CACNA2D1: variants seen among roughly 807,000 people sequenced by gnomAD.
CACNA2D1 encodes the protein calcium voltage-gated channel auxiliary subunit alpha2delta 1, also known as voltage-dependent calcium channel subunit alpha-2/delta-1.
Under a neutral mutation model 171.5 loss-of-function variants are expected in CACNA2D1, and 53 were observed. That is an observed-to-expected ratio of 0.31 (90% CI 0.25 to 0.39). The LOEUF (loss-of-function observed/expected upper bound fraction) is 0.39. Ranked by LOEUF, CACNA2D1 falls within the 10% of genes least tolerant of loss-of-function variation. The pLI, the probability that CACNA2D1 is intolerant of heterozygous loss-of-function variation, is 1.00. For missense variants in CACNA2D1, 903 were observed against 1,299.8 expected (o/e 0.69, Z 4.69); for synonymous variants, 442 against 443.1 (o/e 1.00, Z 0.03).
At position 82,060,169 on chromosome 7, in the gene CACNA2D1, T is replaced by TAAA. The variant is rs1562981072; in HGVS notation, c.879+258_879+259insTTT. 5.6e-3 allele frequency among the ~76,000 whole-genome samples: 134 copies of TAAA among 23,974 alleles called. 8 individuals carry two copies. Among genetic ancestry groups the TAAA allele is most frequent in the African/African-American group, 0.014 (132 of 9,672 alleles). The allele number at this position is 23,974 out of a possible 152,430, so 15.7% of individuals were successfully genotyped here. On this transcript the variant is annotated intron_variant, in intron 10 of 38. Transcript: ENST00000356860. ...ATATATGTATTATATATATATAATA[T>TAAA]ATATATATAATATATATATATTATA...
intron 9 of CACNA2D1, among the ~76,000 whole-genome samples, chr7:82,063,821 T>A (rs545572039): frequency 6.8e-4 from 103 of 152,102 alleles, no homozygotes; most frequent in African/African-American, 2.4e-3. Context: ...CTCAAGGAAT[T>A]ATTTTTTGTA....
Position 82,299,050 on chromosome 7 carries a change from G to A in CACNA2D1, c.294+36085C>T, listed in dbSNP as rs1424330686. Among the ~76,000 whole-genome samples, 8 of 130,060 alleles carry A rather than the reference G, an allele frequency of 6.2e-5. No homozygotes were observed. In the East Asian group the frequency reaches 8.6e-4, roughly 14 times the overall value. 85.3% of individuals were successfully genotyped at this position (130,060 alleles called of 152,430 possible). A position where few individuals can be genotyped will look rare whatever the true frequency, so the allele number is the denominator to read the frequency against. On this transcript the variant is annotated intron_variant, in intron 3 of 38. Transcript: ENST00000356860. ...TGCACCCAGCCTGGGTGAAAAGAGCGAGACTCTGTCAAAAAAAAAAAAAAA... is the reference window on the plus strand; with the variant it reads ...TGCACCCAGCCTGGGTGAAAAGAGCAAGACTCTGTCAAAAAAAAAAAAAAA...
rs1362105341 is a variant in CACNA2D1, at chr7:82,335,123, A to C, written c.294+12T>G. On this transcript the variant is annotated intron_variant, in intron 3 of 38. Transcript: ENST00000356860. ...GAAAATAATAAAATGAGCAGATCCAATTTAAACTCACCACCAGGGCTTTAG... is the reference window on the plus strand; with the variant it reads ...GAAAATAATAAAATGAGCAGATCCACTTTAAACTCACCACCAGGGCTTTAG... 1 of 1,499,478 alleles carries C rather than the reference A, an allele frequency of 6.7e-7. No individual in the cohort carries two copies. Among genetic ancestry groups the C allele is most frequent in the Non-Finnish European group, 9.3e-7 (1 of 1,075,562 alleles). The allele number at this position is 1,499,478 out of a possible 1,614,324, so 92.9% of individuals were successfully genotyped here. A position where few individuals can be genotyped will look rare whatever the true frequency, so the allele number is the denominator to read the frequency against.
chr7:82,259,453 T>A (rs1355376750), intron 3 of CACNA2D1, among the ~76,000 whole-genome samples: 1 of 152,202 alleles, frequency 6.6e-6, no homozygotes, highest in Non-Finnish European at 1.5e-5. Flanking sequence ...GGAATACTAA[T>A]GAGCAGTCTA....
intron 5 of CACNA2D1, among the ~76,000 whole-genome samples, chr7:82,131,705 A>G (rs1372071149): frequency 2.0e-5 from 3 of 152,190 alleles, no homozygotes; most frequent in Non-Finnish European, 4.4e-5. Flanking sequence ...TCAAATGACA[A>G]ATTTTTAATG....
chr7:82,049,027 T>C (rs1804874440), intron 10 of CACNA2D1, among the ~76,000 whole-genome samples: 1 of 151,544 alleles, frequency 6.6e-6, no homozygotes, highest in South Asian at 2.1e-4. Flanking sequence ...TAGTGTACCA[T>C]GTAATTAATG....
intron 2 of CACNA2D1, among the ~76,000 whole-genome samples, chr7:82,342,442 A>C (rs1029414683): frequency 6.6e-6 from 1 of 152,186 alleles, no homozygotes; most frequent in Non-Finnish European, 1.5e-5. Flanking sequence ...TGGGAATGTG[A>C]ATAATGATTT....
chr7:82,281,049 A>G (rs1307281134), intron 3 of CACNA2D1, among the ~76,000 whole-genome samples: 1 of 152,202 alleles, frequency 6.6e-6, no homozygotes, highest in Non-Finnish European at 1.5e-5. Context: ...AGAACAAGGA[A>G]GTCCAGATGT....
At chr7:82,111,439 T>TTC (rs1414983420) in intron 6 of CACNA2D1, among the ~76,000 whole-genome samples, 2 of 105,236 alleles carry the variant, frequency 1.9e-5, no homozygotes, top group East Asian at 5.7e-4. Flanking sequence ...TATATATATA[T>TTC]ATATATTTTT....
At chr7:82,419,579 T>C (rs569207266) in intron 1 of CACNA2D1, among the ~76,000 whole-genome samples, 1 of 152,338 alleles carries the variant, frequency 6.6e-6, no homozygotes, top group East Asian at 1.9e-4. Flanking sequence ...CATTACATAA[T>C]TACACTTCCT....
intron 1 of CACNA2D1, among the ~76,000 whole-genome samples, chr7:82,366,531 C>T (rs945083163): frequency 2.0e-5 from 3 of 152,140 alleles, no homozygotes; most frequent in Non-Finnish European, 4.4e-5. Context: ...CCAGTTGCAT[C>T]CATGTTGCTG....
chr7:82,220,422 C>A (rs1801620256), intron 3 of CACNA2D1, among the ~76,000 whole-genome samples: 1 of 152,056 alleles, frequency 6.6e-6, no homozygotes, highest in East Asian at 1.9e-4. Flanking sequence ...CAATTTTGTT[C>A]CACCAGCATT....
In CACNA2D1 at chr7:82,326,776, T is replaced by TA. The variant is rs775543836; in HGVS notation, c.294+8358dup. Among the ~76,000 whole-genome samples, 28 of 145,588 alleles carry TA rather than the reference T, an allele frequency of 1.9e-4. 6 individuals are homozygous for TA. Among genetic ancestry groups the TA allele is most frequent in the Non-Finnish European group, 4.0e-4 (26 of 64,810 alleles). On this transcript the variant is annotated intron_variant, in intron 3 of 38. Coordinates refer to ENST00000356860, the MANE Select transcript of CACNA2D1 (RefSeq NM_000722.4). The stretch of plus-strand genomic sequence containing the variant: ...TACACTTTATCCACATAAAAATGTC[T>TA]ACTACTTACTTGAACTCTTATTTCT...
intron 1 of CACNA2D1, among the ~76,000 whole-genome samples, chr7:82,387,108 T>C (rs1472075008): frequency 6.6e-6 from 1 of 152,152 alleles, no homozygotes; most frequent in Non-Finnish European, 1.5e-5. Flanking sequence ...AATTAGGTCA[T>C]TTCAAATGGT....
chr7:82,249,739 T>C (rs1483574442), intron 3 of CACNA2D1, among the ~76,000 whole-genome samples: 2 of 149,704 alleles, frequency 1.3e-5, no homozygotes, highest in Non-Finnish European at 2.9e-5. Context: ...GCACGCATGT[T>C]GTGCTGATTG....
At chr7:81,959,398 C>CACATGATTAAAAATAAATACAATGCA (rs1562777366) in intron 37 of CACNA2D1, 41 bp from the exon 38 acceptor site, 1 of 1,336,802 alleles carries the variant, frequency 7.5e-7, no homozygotes, top group Non-Finnish European at 1.1e-6. Context: ...TAGTTTTTTT[C>CACATGATTAAAAATAAATACAATGCA]ACATGATTAA....
intron 3 of CACNA2D1, among the ~76,000 whole-genome samples, chr7:82,243,549 A>C (rs1804561934): frequency 1.3e-5 from 2 of 152,172 alleles, no homozygotes; most frequent in African/African-American, 4.8e-5. Context: ...ACAATGACTA[A>C]ATACTTGTTA....
intron 1 of CACNA2D1, among the ~76,000 whole-genome samples, chr7:82,426,364 A>C (rs1229989958): frequency 6.6e-6 from 1 of 152,072 alleles, no homozygotes; most frequent in Non-Finnish European, 1.5e-5. Flanking sequence ...AACTGGCACA[A>C]TAAACGGCCG....
chr7:82,435,256 C>A (rs367628217), intron 1 of CACNA2D1, among the ~76,000 whole-genome samples: 1 of 152,108 alleles, frequency 6.6e-6, no homozygotes, highest in African/African-American at 2.4e-5. Flanking sequence ...AGGATTGTCT[C>A]GATCTCTCCT....
Sources: allele counts gnomAD v4.1 joint callset (sites outside exome capture counted in the v4.1 genomes callset), GRCh38; gene constraint gnomAD v4.1.1; transcripts MANE v1.5; gene names NCBI Gene and HGNC (gene_info 2026-07-23, HGNC 2026-07-21).